BICRAL: variants seen among roughly 807,000 people sequenced by gnomAD.
BICRAL encodes the protein BRD4-interacting chromatin-remodeling complex-associated protein-like.
Under a neutral mutation model 91.8 loss-of-function variants are expected in BICRAL, and 8 were observed. The observed-to-expected ratio is 0.09, with a 90% CI of 0.05 to 0.16. The LOEUF (loss-of-function observed/expected upper bound fraction) is 0.16. Among genes scored for constraint, BICRAL ranks in the 10% least tolerant of loss-of-function variants. The pLI, the probability that BICRAL is intolerant of heterozygous loss-of-function variation, is 1.00. For missense variants in BICRAL, 1,038 were observed against 1,310.9 expected (o/e 0.79, Z 3.21); for synonymous variants, 445 against 491.1 (o/e 0.91, Z 1.24).
chr6:42,800,278 T>C (rs531280290), intron 1 of BICRAL, among the ~76,000 whole-genome samples: 9 of 152,286 alleles, frequency 5.9e-5, no homozygotes, highest in African/African-American at 1.9e-4. Context: ...TTGGCCAGGC[T>C]GGTCTCCAAC....
intron 1 of BICRAL, among the ~76,000 whole-genome samples, chr6:42,764,657 TTTTG>T (rs1304398952): frequency 9.2e-5 from 14 of 152,122 alleles, no homozygotes; most frequent in African/African-American, 3.1e-4. Flanking sequence ...TTATGGGGTC[TTTTG>T]TTTGTTTGTT....
At chr6:42,845,198 T>TTTTTTTTG (rs1764963905) in intron 6 of BICRAL, among the ~76,000 whole-genome samples, 1 of 12,752 alleles carries the variant, frequency 7.8e-5, no homozygotes, top group African/African-American at 4.6e-4. Context: ...TTTGGGTGTT[T>TTTTTTTTG]TTTTTTTTTT....
intron 1 of BICRAL, among the ~76,000 whole-genome samples, chr6:42,788,515 C>T (rs1411960660): frequency 6.6e-6 from 1 of 152,168 alleles, no homozygotes; most frequent in Non-Finnish European, 1.5e-5. Context: ...AGCCACCATG[C>T]CTGGCCGGGA....
In BICRAL at chr6:42,771,502, T is replaced by C. The variant is rs1020866022; in HGVS notation, c.-260-10337T>C. 5.9e-5 allele frequency among the ~76,000 whole-genome samples: 3 copies of C among 50,948 alleles called. No homozygotes were observed. In the South Asian group the frequency reaches 2.4e-3, roughly 40 times the overall value. The allele number at this position is 50,948 out of a possible 152,430, so 33.4% of individuals were successfully genotyped here. A position where few individuals can be genotyped will look rare whatever the true frequency, so the allele number is the denominator to read the frequency against. ...CCCCTGTGGGGGTGGCGGGGGGTGG[T>C]GGGGGGGTCCTGTCTGAAGTGGTAG... is the stretch of plus-strand genomic sequence containing the variant. On this transcript the variant is annotated intron_variant, in intron 1 of 14. Transcript: ENST00000614467.
rs1159342197 is a variant in BICRAL at position 42,793,122 on chromosome 6, A to ATTTTTTTTT, written c.-102+11052_-102+11060dup. ...AAGCGCATGCCACCATGCCCAGCTA[A>ATTTTTTTTT]TTTTTTTTTTTTTTTTTTTTTTTTT... is the stretch of plus-strand genomic sequence containing the variant. On this transcript the variant is annotated intron_variant, in intron 1 of 12. Transcript: ENST00000314073. Among the ~76,000 whole-genome samples, 7 of 37,254 alleles carry ATTTTTTTTT rather than the reference A, an allele frequency of 1.9e-4. 1 individual carries two copies. The highest frequency in any genetic ancestry group is 1.5e-4 in the Non-Finnish European group (3 of 20,498). The allele number at this position is 37,254 out of a possible 152,430, so 24.4% of individuals were successfully genotyped here.
intron 1 of BICRAL, among the ~76,000 whole-genome samples, chr6:42,765,659 G>T (rs1762620080): frequency 6.6e-6 from 1 of 152,150 alleles, no homozygotes; most frequent in Admixed American, 6.6e-5. Flanking sequence ...GGAAAATATA[G>T]GCTCTTGATA....
rs1765688976 is a variant in BICRAL at position 42,865,502 on chromosome 6, G to GA, written c.*56_*57insA. 1.3e-6 allele frequency: 1 copy of GA among 745,076 alleles called. No individual in the cohort carries two copies. Among genetic ancestry groups the GA allele is most frequent in the Non-Finnish European group, 2.0e-6 (1 of 511,656 alleles). The allele number at this position is 745,076 out of a possible 1,614,324, so 46.2% of individuals were successfully genotyped here. On this transcript the variant is annotated 3_prime_UTR_variant, in exon 13 of 13. Transcript: ENST00000314073. ...AGACCCCACCCCGAGACCCCACCCC[G>GA]GACCAGTTACATTCGTTCCTGGCAA...
intron 6 of BICRAL, among the ~76,000 whole-genome samples, chr6:42,834,861 G>T: frequency 6.6e-6 from 1 of 151,992 alleles, no homozygotes; most frequent in East Asian, 1.9e-4. Flanking sequence ...ATTTTTTTAA[G>T]AAGGCTTGTT....
At chr6:42,815,984 CAAAAAA>C (rs746928245) in intron 2 of BICRAL, among the ~76,000 whole-genome samples, 19 of 39,270 alleles carry the variant, frequency 4.8e-4, no homozygotes, top group Non-Finnish European at 8.7e-4. Flanking sequence ...AACTCTGTCT[CAAAAAA>C]AAAAAAAAAA....
At position 42,787,770 on chromosome 6, in the gene BICRAL, G is replaced by T. The variant is rs576377801; in HGVS notation, c.-102+5669G>T. Among the ~76,000 whole-genome samples the T allele has an allele frequency of 3.3e-5, 5 of 152,246 alleles. No individual in the cohort carries two copies. The East Asian group carries it at 9.6e-4, about 29-fold the overall frequency. ...GGTCCAAGCCACATTGGGATGCTTC[G>T]AAGAGAGAATAGGAAGTGAGGTGAA... On this transcript the variant is annotated intron_variant, in intron 1 of 12. Transcript: ENST00000314073.
At chr6:42,850,339 G>A (rs1765138497) in intron 6 of BICRAL, among the ~76,000 whole-genome samples, 1 of 152,078 alleles carries the variant, frequency 6.6e-6, no homozygotes, top group South Asian at 2.1e-4. Flanking sequence ...GGCCAACACA[G>A]TGAAACCCCG....
chr6:42,842,015 C>T (rs1363899979), intron 6 of BICRAL, among the ~76,000 whole-genome samples: 1 of 152,174 alleles, frequency 6.6e-6, no homozygotes, highest in East Asian at 1.9e-4. Context: ...ATAGGTACCA[C>T]TCTGCCAGCG....
chr6:42,814,959 G>A (rs1461299278), intron 2 of BICRAL, among the ~76,000 whole-genome samples: 1 of 150,488 alleles, frequency 6.6e-6, no homozygotes, highest in Non-Finnish European at 1.5e-5. Context: ...CACCCAGGCT[G>A]GAGTGCAGTG....
intron 6 of BICRAL, among the ~76,000 whole-genome samples, chr6:42,845,784 C>T (rs916462506): frequency 3.3e-5 from 5 of 151,994 alleles, no homozygotes; most frequent in African/African-American, 1.2e-4. Flanking sequence ...AGATTCCTGG[C>T]CGGGCGCGGT....
At chr6:42,787,602 G>C (rs1763138061) in intron 1 of BICRAL, among the ~76,000 whole-genome samples, 1 of 152,118 alleles carries the variant, frequency 6.6e-6, no homozygotes, top group Non-Finnish European at 1.5e-5. Context: ...AAAAGGTTCA[G>C]CCATTAAAGT....
chr6:42,773,437 C>T (rs1054486727), intron 1 of BICRAL, among the ~76,000 whole-genome samples: 1 of 152,032 alleles, frequency 6.6e-6, no homozygotes, highest in Non-Finnish European at 1.5e-5. Context: ...AGGCTGGTCT[C>T]GAACTTCTGG....
In BICRAL at chr6:42,862,521, C is replaced by T. The variant is rs776243730; in HGVS notation, c.2361C>T (p.Pro787=). ...TCTCTCTTTTTCAGCGAATCAATCC[C>T]TCTGCTGAGATGGTGATGATCGATA... ...LLLEDAMRIN[P]SAEMVMIDRM... is the part of the protein sequence containing the mutation. Residue 787 remains proline (P), a synonymous_variant, in exon 12 of 13, where the codon CCC becomes CCT. Transcript: ENST00000314073. The T allele has an allele frequency of 2.5e-6, 4 of 1,602,980 alleles. No homozygotes were observed. The South Asian group carries it at 4.4e-5, about 18-fold the overall frequency.
chr6:42,774,882 T>C (rs1203079963), intron 1 of BICRAL, among the ~76,000 whole-genome samples: 1 of 151,956 alleles, frequency 6.6e-6, no homozygotes, highest in African/African-American at 2.4e-5. Context: ...GCTTAGTACA[T>C]ACTTATTTCC....
At chr6:42,791,207 T>G (rs1763263527) in intron 1 of BICRAL, among the ~76,000 whole-genome samples, 1 of 152,148 alleles carries the variant, frequency 6.6e-6, no homozygotes, top group Admixed American at 6.6e-5. Flanking sequence ...TCCTGAGACC[T>G]CTCTGTACCA....
Sources: allele counts gnomAD v4.1 joint callset (sites outside exome capture counted in the v4.1 genomes callset), GRCh38; gene constraint gnomAD v4.1.1; transcripts MANE v1.5; gene names NCBI Gene and HGNC (gene_info 2026-07-23, HGNC 2026-07-21).